The following KIF15 variants were observed in gnomAD, a reference collection of about 807,000 sequenced individuals.
The protein encoded by KIF15 is kinesin family member 15, also known as kinesin-like protein KIF15.
KIF15 carries 140 observed loss-of-function variants against 190.6 expected under a neutral mutation model. That is an observed-to-expected ratio of 0.73 (90% CI 0.64 to 0.84). The LOEUF (loss-of-function observed/expected upper bound fraction) is 0.84. KIF15 is among the 40% of genes least tolerant of loss of function. The pLI is 0.00. For missense variants in KIF15, 1,372 were observed against 1,584.4 expected (o/e 0.87, Z 2.28); for synonymous variants, 528 against 551.3 (o/e 0.96, Z 0.59).
chr3:44,804,688 A>T (rs1039289153), intron 14 of KIF15, among the ~76,000 whole-genome samples: 1 of 152,134 alleles, frequency 6.6e-6, no homozygotes, highest in Non-Finnish European at 1.5e-5. Context: ...CCTTCTGCTG[A>T]GTTATAAGCT....
chr3:44,770,636 A>C (rs537109688), intron 1 of KIF15, among the ~76,000 whole-genome samples: 1 of 152,294 alleles, frequency 6.6e-6, no homozygotes, highest in East Asian at 1.9e-4. Flanking sequence ...GCCTTGGTAA[A>C]ACAACTAGTG....
At chr3:44,791,763 G>GC (rs1192620922) in intron 7 of KIF15, among the ~76,000 whole-genome samples, 1 of 152,120 alleles carries the variant, frequency 6.6e-6, no homozygotes, top group Non-Finnish European at 1.5e-5. Context: ...TTTTGCCCAG[G>GC]CTGGAGTGCA....
Position 44,797,969 on chromosome 3 carries a change from C to A in KIF15, c.1098+13C>A. ...GATTAAAAACAAGGTAAAATACTGG[C>A]GTATACTTCATTAAATAAATGAGAA... On this transcript the variant is annotated intron_variant, in intron 10 of 34. Transcript: ENST00000326047. 2 of 1,585,244 alleles carry A rather than the reference C, an allele frequency of 1.3e-6. No individual in the cohort carries two copies. The highest frequency in any genetic ancestry group is 2.3e-5 in the South Asian group (2 of 86,578).
At chr3:44,814,718 G>A (rs1559557894) in intron 19 of KIF15, among the ~76,000 whole-genome samples, 193 bp from the exon 20 acceptor site, 1 of 152,066 alleles carries the variant, frequency 6.6e-6, no homozygotes, top group South Asian at 2.1e-4. Flanking sequence ...AGAAATTTAC[G>A]AAAAACCATG....
rs750801850 is a variant in KIF15, at chr3:44,810,975, G to A, written c.2101G>A (p.Glu701Lys). 3.7e-6 allele frequency: 6 copies of A among 1,613,714 alleles called. No homozygotes were observed. Among genetic ancestry groups the A allele is most frequent in the African/African-American group, 1.3e-5 (1 of 74,886 alleles). Reference sequence around the variant, plus strand: ...CATATTAGATAATGATATATTAAATGAGCCAGTTCCTCCTGAGATGAATGA... The same window carrying A: ...CATATTAGATAATGATATATTAAATAAGCCAGTTCCTCCTGAGATGAATGA... Reference protein sequence around the residue: ...SSILDNDILNEPVPPEMNEQA... With the variant: ...SSILDNDILNKPVPPEMNEQA... Residue 701 changes from glutamate (E) to lysine (K), a missense_variant, in exon 17 of 35, where the codon GAG (glutamate) becomes AAG (lysine). Glu to Lys is a moderately conservative substitution (Grantham distance 56, BLOSUM62 1). Transcript: ENST00000326047.
chr3:44,830,278 G>T (rs190830890), intron 25 of KIF15, among the ~76,000 whole-genome samples: 1 of 152,290 alleles, frequency 6.6e-6, no homozygotes. Context: ...ATCTCTGGGG[G>T]ACAATGTAGG....
chr3:44,812,267 A>G lies in KIF15; in HGVS notation c.2255A>G (p.His752Arg), dbSNP rs1432568377. The G allele has an allele frequency of 6.2e-7, 1 of 1,613,870 alleles. No individual in the cohort carries two copies. Among genetic ancestry groups the G allele is most frequent in the African/African-American group, 1.3e-5 (1 of 74,932 alleles). Residue 752 changes from histidine to arginine, a missense_variant, in exon 18 of 35, where the codon CAT becomes CGT. By Grantham distance (29) the His-to-Arg change is conservative (BLOSUM62 0). Transcript: ENST00000326047. ...KLQQHVDKLE[H>R]HSTQMQELFS... ...CAGCAGCATGTTGACAAACTGGAAC[A>G]TCATTCTACCCAAATGCAGGAGGTG... is the stretch of plus-strand genomic sequence containing the variant.
At chr3:44,795,891 C>T (rs1276623007) in intron 8 of KIF15, among the ~76,000 whole-genome samples, 1 of 152,068 alleles carries the variant, frequency 6.6e-6, no homozygotes, top group East Asian at 1.9e-4. Flanking sequence ...TTGAGACAGT[C>T]TCACTCTGTC....
At position 44,805,941 on chromosome 3, in the gene KIF15, G is replaced by T. The variant is rs756319014; in HGVS notation, c.1926G>T (p.Arg642=). 6.8e-6 allele frequency: 11 copies of T among 1,614,120 alleles called. No individual in the cohort carries two copies. Among genetic ancestry groups the T allele is most frequent in the Non-Finnish European group, 8.5e-6 (10 of 1,180,002 alleles). Residue 642 remains arginine (R), a synonymous_variant, in exon 16 of 35, where the codon CGG becomes CGT. Coordinates refer to ENST00000326047, the MANE Select transcript of KIF15 (RefSeq NM_020242.3). ...TGGAAGCAACAAAAGCCTGCAAGCG[G>T]CAAGAAGTTTCTCAGCTGAATAAAA... ...NLLEATKACK[R]QEVSQLNKIH... is the part of the protein sequence containing the mutation.
chr3:44,808,109 T>G (rs1035447308), intron 16 of KIF15, among the ~76,000 whole-genome samples: 4 of 151,816 alleles, frequency 2.6e-5, no homozygotes, highest in African/African-American at 9.7e-5. Context: ...TGACCAGAAT[T>G]TTTTTTTACT....
chr3:44,838,407 G>A lies in KIF15; in HGVS notation c.3304G>A (p.Glu1102Lys). 6.2e-7 allele frequency: 1 copy of A among 1,612,956 alleles called. No homozygotes were observed. Among genetic ancestry groups the A allele is most frequent in the Non-Finnish European group, 8.5e-7 (1 of 1,179,588 alleles). Residue 1102 changes from glutamate (E) to lysine (K), a missense_variant, in exon 27 of 35, where the codon GAA (glutamate) becomes AAA (lysine). Coordinates refer to ENST00000326047, the MANE Select transcript of KIF15 (RefSeq NM_020242.3). ...ELTKKEALIQ[E>K]LQHKLNQKKE... ...GACCAAGAAGGAAGCCCTGATTCAG[G>A]AACTTCAGCACAAGGTGAGAAACAC...
intron 1 of KIF15, among the ~76,000 whole-genome samples, chr3:44,764,898 A>G (rs1705316396): frequency 6.6e-6 from 1 of 152,192 alleles, no homozygotes; most frequent in African/African-American, 2.4e-5. Flanking sequence ...TGGTCTCCCA[A>G]AGTGTTGGGA....
At chr3:44,818,790 A>G (rs896929627) in intron 20 of KIF15, among the ~76,000 whole-genome samples, 8 of 152,134 alleles carry the variant, frequency 5.3e-5, no homozygotes, top group Admixed American at 1.3e-4. Context: ...CTCTTTTTCT[A>G]TTGATTGGAA....
At chr3:44,794,482 A>G (rs976761826) in intron 8 of KIF15, 56 bp downstream of exon 8, 20 of 1,334,220 alleles carry the variant, frequency 1.5e-5, no homozygotes, top group Non-Finnish European at 2.0e-5. Flanking sequence ...AGCAGTCAAT[A>G]CAGTCGTGAT....
intron 32 of KIF15, among the ~76,000 whole-genome samples, chr3:44,850,823 C>T (rs771651263): frequency 1.1e-4 from 16 of 152,078 alleles, no homozygotes; most frequent in Non-Finnish European, 2.1e-4. Context: ...AGCAATCAAC[C>T]GCTAGAAATT....
chr3:44,854,548 C>T (rs1399769668), downstream of KIF15, among the ~76,000 whole-genome samples: 1 of 152,144 alleles, frequency 6.6e-6, no homozygotes, highest in Non-Finnish European at 1.5e-5. Context: ...CGAGCAGACA[C>T]TGCAACTGCC....
At chr3:44,816,953 CATT>C (rs556669592) in intron 20 of KIF15, among the ~76,000 whole-genome samples, 89 of 152,218 alleles carry the variant, frequency 5.8e-4, no homozygotes, top group African/African-American at 2.1e-3. Context: ...GATGGTGTCT[CATT>C]GTGGTTTTGA....
intron 31 of KIF15, 139 bp from the exon 32 acceptor site, chr3:44,848,382 G>A (rs1294741914): frequency 2.1e-5 from 12 of 575,880 alleles, no homozygotes; most frequent in Non-Finnish European, 3.7e-5. Context: ...TGTATGTGTA[G>A]CTGGCACTGT....
intron 30 of KIF15, among the ~76,000 whole-genome samples, chr3:44,847,524 A>G (rs1348064763): frequency 1.3e-5 from 2 of 152,202 alleles, no homozygotes; most frequent in South Asian, 2.1e-4. Context: ...CCAACTGACT[A>G]TGGAACCTGA....
Sources: allele counts gnomAD v4.1 joint callset (sites outside exome capture counted in the v4.1 genomes callset), GRCh38; gene constraint gnomAD v4.1.1; transcripts MANE v1.5; gene names NCBI Gene and HGNC (gene_info 2026-07-23, HGNC 2026-07-21).